The following CALN1 variants were observed in gnomAD, a reference collection of about 807,000 sequenced individuals.
CALN1 encodes calneuron 1.
CALN1 carries 17 observed loss-of-function variants against 30.6 expected under a neutral mutation model. That is an observed-to-expected ratio of 0.56 (90% CI 0.38 to 0.83). The LOEUF (loss-of-function observed/expected upper bound fraction) is 0.83, where lower values mean the gene tolerates loss of function less well. Among genes scored for constraint, CALN1 ranks in the 40% least tolerant of loss-of-function variants. The pLI, the probability that CALN1 is intolerant of heterozygous loss-of-function variation, is 0.00. For missense variants in CALN1, 291 were observed against 354.9 expected (o/e 0.82, Z 1.45); for synonymous variants, 156 against 131.4 (o/e 1.19, Z -1.28).
chr7:72,152,192 C>T (rs117205698), intron 3 of CALN1, among the ~76,000 whole-genome samples: 4,629 of 152,124 alleles, frequency 0.03, 113 homozygotes, highest in South Asian at 0.12. Flanking sequence ...AGGTGTGAGC[C>T]GCCATCCCTG....
intron 5 of CALN1, among the ~76,000 whole-genome samples, chr7:71,832,422 C>T (rs1270660770): frequency 1.3e-5 from 2 of 152,112 alleles, no homozygotes; most frequent in Non-Finnish European, 2.9e-5. Flanking sequence ...TTTGCTTGTG[C>T]TTAGCAAATG....
At chr7:71,909,258 G>A (rs1042266103) in intron 5 of CALN1, among the ~76,000 whole-genome samples, 1 of 152,174 alleles carries the variant, frequency 6.6e-6, no homozygotes, top group South Asian at 2.1e-4. Context: ...GGAAGTGCTG[G>A]TATTACAGGC....
At chr7:72,425,219 T>G (rs1215374803) in intron 1 of CALN1, among the ~76,000 whole-genome samples, 1 of 152,172 alleles carries the variant, frequency 6.6e-6, no homozygotes, top group Non-Finnish European at 1.5e-5. Flanking sequence ...GTTCAAGTGA[T>G]TCTCCTGCCT....
In CALN1 at chr7:71,947,164, C is replaced by T. The variant is rs536911649; in HGVS notation, c.501+76493G>A. 1.8e-4 allele frequency among the ~76,000 whole-genome samples: 28 copies of T among 152,188 alleles called. No homozygotes were observed. In the South Asian group the frequency reaches 3.3e-3, roughly 18 times the overall value. Reference sequence around the variant, plus strand: ...TAGCTAGGATTACAGGCACCCACCACCACGCCTGGCTAATTTTTGTATTTT... The same window carrying T: ...TAGCTAGGATTACAGGCACCCACCATCACGCCTGGCTAATTTTTGTATTTT... On this transcript the variant is annotated intron_variant, in intron 5 of 6. Coordinates refer to ENST00000395275, the MANE Select transcript of CALN1 (RefSeq NM_031468.4).
At chr7:72,066,786 T>C (rs1011350543) in intron 4 of CALN1, among the ~76,000 whole-genome samples, 2 of 149,520 alleles carry the variant, frequency 1.3e-5, no homozygotes, top group African/African-American at 2.5e-5. Flanking sequence ...TATTTTATTT[T>C]ATTTTTTTTT....
At chr7:72,164,932 G>T (rs550976893) in intron 3 of CALN1, among the ~76,000 whole-genome samples, 6 of 145,002 alleles carry the variant, frequency 4.1e-5, no homozygotes, top group African/African-American at 1.5e-4. Flanking sequence ...CGGCCTCAAG[G>T]GATCCTCCTG....
At chr7:72,210,805 A>G (rs1431336063) in intron 3 of CALN1, among the ~76,000 whole-genome samples, 1 of 151,970 alleles carries the variant, frequency 6.6e-6, no homozygotes. Flanking sequence ...GAGCCAAACC[A>G]TATCAGATGC....
At chr7:71,905,282 T>C (rs1382384589) in intron 5 of CALN1, among the ~76,000 whole-genome samples, 2 of 152,072 alleles carry the variant, frequency 1.3e-5, no homozygotes, top group East Asian at 3.8e-4. Context: ...GCTTTTGGGG[T>C]ACAAGTGGCT....
chr7:72,102,856 C>G (rs1186581303), intron 4 of CALN1, among the ~76,000 whole-genome samples: 1 of 152,016 alleles, frequency 6.6e-6, no homozygotes, highest in Non-Finnish European at 1.5e-5. Context: ...AGGCGGATCA[C>G]AAGGTCAAGA....
At chr7:71,887,463 T>C (rs191976303) in intron 5 of CALN1, among the ~76,000 whole-genome samples, 2 of 152,248 alleles carry the variant, frequency 1.3e-5, no homozygotes, top group African/African-American at 2.4e-5. Context: ...GCCTGGCTAA[T>C]TTTGTATTTT....
intron 3 of CALN1, among the ~76,000 whole-genome samples, chr7:72,262,848 G>A (rs1796356026): frequency 6.6e-6 from 1 of 152,190 alleles, no homozygotes; most frequent in Non-Finnish European, 1.5e-5. Context: ...CCAAACCAAT[G>A]AGGACAGCCA....
intron 3 of CALN1, among the ~76,000 whole-genome samples, chr7:72,260,339 C>T (rs539358298): frequency 1.3e-5 from 2 of 152,308 alleles, no homozygotes; most frequent in South Asian, 2.1e-4. Flanking sequence ...TGTTGAACTC[C>T]ATATGACAAA....
chr7:72,108,862 C>T (rs1289921573), intron 3 of CALN1, among the ~76,000 whole-genome samples: 1 of 152,218 alleles, frequency 6.6e-6, no homozygotes, highest in Non-Finnish European at 1.5e-5. Context: ...AGTAAGTTTG[C>T]ATGGACTTGC....
intron 2 of CALN1, among the ~76,000 whole-genome samples, chr7:72,386,415 T>C (rs1434900140): frequency 1.3e-5 from 2 of 152,198 alleles, no homozygotes; most frequent in African/African-American, 2.4e-5. Context: ...AAAGGAACTA[T>C]ACATAAGCGT....
At chr7:71,886,174 C>G (rs1221500586) in intron 5 of CALN1, among the ~76,000 whole-genome samples, 1 of 152,258 alleles carries the variant, frequency 6.6e-6, no homozygotes, top group Non-Finnish European at 1.5e-5. Flanking sequence ...AGTGATTCAT[C>G]ATTTCACAGT....
At chr7:72,418,707 C>T (rs1807508616) in intron 1 of CALN1, among the ~76,000 whole-genome samples, 1 of 152,084 alleles carries the variant, frequency 6.6e-6, no homozygotes, top group African/African-American at 2.4e-5. Flanking sequence ...GGATGGGTCT[C>T]CCTGTAGTTC....
At chr7:72,396,422 C>CAAA (rs56030535) in intron 2 of CALN1, among the ~76,000 whole-genome samples, 13 of 113,752 alleles carry the variant, frequency 1.1e-4, no homozygotes, top group African/African-American at 2.2e-4. Flanking sequence ...GACTCTGTCT[C>CAAA]AAAAAAAAAA....
the CALN1 span, among the ~76,000 whole-genome samples, chr7:72,478,405 T>A: frequency 7.2e-4 from 107 of 148,578 alleles, no homozygotes; most frequent in East Asian, 9.2e-3. Context: ...ATATATATAT[T>A]TTTTCTTAAT....
upstream of CALN1, among the ~76,000 whole-genome samples, chr7:72,417,059 G>A (rs1224700576): frequency 6.6e-6 from 1 of 152,262 alleles, no homozygotes; most frequent in Non-Finnish European, 1.5e-5. Flanking sequence ...TAGAGCCTGA[G>A]TCTTCATCCA....
Sources: allele counts gnomAD v4.1 joint callset (sites outside exome capture counted in the v4.1 genomes callset), GRCh38; gene constraint gnomAD v4.1.1; transcripts MANE v1.5; gene names NCBI Gene and HGNC (gene_info 2026-07-23, HGNC 2026-07-21).